SYNPR: variants seen among roughly 807,000 people sequenced by gnomAD.
SYNPR encodes the protein synaptoporin.
SYNPR carries 23 observed loss-of-function variants against 32.9 expected under a neutral mutation model. The ratio of observed to expected loss-of-function variants is 0.70; its 90% CI spans 0.50 to 0.99. The LOEUF is 0.99. Ranked by LOEUF, SYNPR falls within the 50% of genes least tolerant of loss-of-function variation. SYNPR has a pLI of 0.00. For synonymous variants in SYNPR, 146 were observed against 135.9 expected, an observed-to-expected ratio of 1.07 and a Z score of -0.52; for missense variants, 318 against 349.3, an observed-to-expected ratio of 0.91 and a Z score of 0.71.
chr3:63,201,383 C>G, the SYNPR span, among the ~76,000 whole-genome samples: 2 of 152,122 alleles, frequency 1.3e-5, no homozygotes, highest in Admixed American at 6.6e-5. Flanking sequence ...ATCACATTGT[C>G]TGAAAGGCTG....
At chr3:63,413,924 T>C (rs1465825656) in intron 2 of SYNPR, among the ~76,000 whole-genome samples, 2 of 152,030 alleles carry the variant, frequency 1.3e-5, no homozygotes, top group Non-Finnish European at 2.9e-5. Flanking sequence ...TTAGGAGCCT[T>C]TCTCCATTTA....
intron 2 of SYNPR, among the ~76,000 whole-genome samples, chr3:63,346,557 C>T (rs1398353424): frequency 1.3e-5 from 2 of 152,012 alleles, no homozygotes; most frequent in East Asian, 1.9e-4. Context: ...CTGAAACCTC[C>T]GCCTCCTGGG....
At chr3:63,474,603 G>C (rs1700865397) in intron 2 of SYNPR, among the ~76,000 whole-genome samples, 1 of 151,938 alleles carries the variant, frequency 6.6e-6, no homozygotes, top group Non-Finnish European at 1.5e-5. Flanking sequence ...TATGTTCATA[G>C]CTTGGAATTG....
At chr3:63,443,150 C>G (rs945726699) in intron 2 of SYNPR, 1 of 1,164,328 alleles carries the variant, frequency 8.6e-7, no homozygotes, top group African/African-American at 1.6e-5. Context: ...GCCACCTCCC[C>G]ACCAAGCAGG....
chr3:63,320,274 G>C (rs1321887452), intron 2 of SYNPR, among the ~76,000 whole-genome samples: 1 of 151,892 alleles, frequency 6.6e-6, no homozygotes, highest in African/African-American at 2.4e-5. Context: ...ACTATTTCCT[G>C]ATTATAATTT....
At chr3:63,354,086 A>C (rs903183356) in intron 2 of SYNPR, among the ~76,000 whole-genome samples, 2 of 152,188 alleles carry the variant, frequency 1.3e-5, no homozygotes, top group Non-Finnish European at 2.9e-5. Flanking sequence ...GAGTTTCCTC[A>C]CAAATAACAT....
intron 2 of SYNPR, among the ~76,000 whole-genome samples, chr3:63,306,013 C>G (rs2086907196): frequency 6.6e-6 from 1 of 152,030 alleles, no homozygotes; most frequent in African/African-American, 2.4e-5. Context: ...CTAACCCATC[C>G]TTCAAGGCCC....
chr3:63,482,600 C>G (rs1407116117), intron 3 of SYNPR, among the ~76,000 whole-genome samples: 1 of 152,130 alleles, frequency 6.6e-6, no homozygotes, highest in Admixed American at 6.6e-5. Flanking sequence ...TAGGATTTAG[C>G]AAGAAATCGT....
At chr3:63,573,432 AT>A (rs2106849841) in intron 4 of SYNPR, among the ~76,000 whole-genome samples, 1 of 152,292 alleles carries the variant, frequency 6.6e-6, no homozygotes, top group South Asian at 2.1e-4. Context: ...TAAGAGGCTG[AT>A]TTTTGTACTC....
At chr3:63,419,241 C>T (rs6783445) in intron 2 of SYNPR, among the ~76,000 whole-genome samples, 40,711 of 152,152 alleles carry the variant, frequency 0.27, 7,724 homozygotes, top group African/African-American at 0.54. Flanking sequence ...GCCTTGCCTT[C>T]AGGTCACTGT....
chr3:63,366,170 T>C (rs904754193), intron 2 of SYNPR, among the ~76,000 whole-genome samples: 4 of 152,340 alleles, frequency 2.6e-5, no homozygotes, highest in Middle Eastern at 3.4e-3. Flanking sequence ...TTAACCCATA[T>C]GGAATCTCTG....
At chr3:63,356,965 G>C (rs953329281) in intron 2 of SYNPR, among the ~76,000 whole-genome samples, 1 of 152,220 alleles carries the variant, frequency 6.6e-6, no homozygotes, top group African/African-American at 2.4e-5. Flanking sequence ...CTAGTTATAT[G>C]AACTTGGGCG....
chr3:63,233,869 T>TTA (rs539044649), intron 1 of SYNPR, among the ~76,000 whole-genome samples: 89 of 152,300 alleles, frequency 5.8e-4, no homozygotes, highest in African/African-American at 1.6e-3. Flanking sequence ...CCCCTTCCAA[T>TTA]TATATGCCTG....
chr3:63,353,212 A>G (rs552225711), intron 2 of SYNPR, among the ~76,000 whole-genome samples: 14 of 152,336 alleles, frequency 9.2e-5, no homozygotes, highest in African/African-American at 3.4e-4. Context: ...CTGGTGATAC[A>G]CTGATAAACA....
chr3:63,241,053 C>G (rs1184265894), intron 1 of SYNPR, among the ~76,000 whole-genome samples: 1 of 151,956 alleles, frequency 6.6e-6, no homozygotes, highest in African/African-American at 2.4e-5. Flanking sequence ...AAAAAAAATC[C>G]ATGCTTTGCA....
intron 2 of SYNPR, among the ~76,000 whole-genome samples, chr3:63,306,282 T>G (rs184972481): frequency 1.2e-3 from 178 of 152,038 alleles, no homozygotes; most frequent in Non-Finnish European, 8.7e-4. Context: ...AACAAAGCCT[T>G]TGGGGAAAGG....
chr3:63,578,328 C>T (rs1397467278), intron 4 of SYNPR, among the ~76,000 whole-genome samples: 1 of 152,128 alleles, frequency 6.6e-6, no homozygotes, highest in African/African-American at 2.4e-5. Context: ...GGCAATTCAG[C>T]ATGTGGCATG....
intron 3 of SYNPR, among the ~76,000 whole-genome samples, chr3:63,496,382 T>A (rs1393612771): frequency 2.6e-5 from 4 of 152,112 alleles, no homozygotes; most frequent in Non-Finnish European, 5.9e-5. Context: ...CTCATAGCTA[T>A]ACTATAATTT....
chr3:63,404,329 A>T (rs1353010739), intron 2 of SYNPR, among the ~76,000 whole-genome samples: 1 of 152,254 alleles, frequency 6.6e-6, no homozygotes, highest in Non-Finnish European at 1.5e-5. Context: ...AATTACAGTG[A>T]ATAGAATTAT....
Sources: gnomAD v4.1 joint callset for allele counts (sites outside exome capture counted in the v4.1 genomes callset) on GRCh38, gnomAD v4.1.1 for gene constraint, MANE v1.5 for transcripts, NCBI Gene and HGNC (gene_info 2026-07-23, HGNC 2026-07-21) for gene names.